The following IL31RA variants were observed in gnomAD, a reference collection of about 807,000 sequenced individuals.
The protein encoded by IL31RA is interleukin 31 receptor A.
In IL31RA, 66 loss-of-function variants were observed where a neutral mutation model predicts 83.7. The observed-to-expected ratio is 0.79, with a 90% CI of 0.65 to 0.97. The LOEUF is 0.97. IL31RA is among the 50% of genes least tolerant of loss of function. The pLI is 0.00. For synonymous variants in IL31RA, 325 were observed against 329.0 expected (o/e 0.99, Z 0.13); for missense variants, 798 against 919.4 (o/e 0.87, Z 1.71).
chr5:55,848,088 G>A (rs1744976749), upstream of IL31RA, among the ~76,000 whole-genome samples: 1 of 152,148 alleles, frequency 6.6e-6, no homozygotes, highest in South Asian at 2.1e-4. Flanking sequence ...ATTGGTTAAG[G>A]TAGTGTTTGC....
intron 4 of IL31RA, among the ~76,000 whole-genome samples, chr5:55,881,126 C>T (rs327238): frequency 0.017 from 2,523 of 152,018 alleles, 33 homozygotes; most frequent in Middle Eastern, 0.045. Context: ...CATGGTGAAA[C>T]CTTGTCTCTA....
intron 6 of IL31RA, among the ~76,000 whole-genome samples, chr5:55,890,354 T>G (rs529989087): frequency 6.6e-6 from 1 of 152,188 alleles, no homozygotes; most frequent in South Asian, 2.1e-4. Context: ...CATGAAAGGG[T>G]ATCATATCAT....
chr5:55,888,179 G>A (rs1321582324), intron 5 of IL31RA, among the ~76,000 whole-genome samples: 1 of 152,234 alleles, frequency 6.6e-6, no homozygotes, highest in Non-Finnish European at 1.5e-5. Flanking sequence ...CAGTGAACAT[G>A]ATGAAGCTAA....
Position 55,913,518 on chromosome 5 carries a change from G to T in IL31RA, c.1684G>T (p.Gly562Cys). 2 of 1,613,722 alleles carry T rather than the reference G, an allele frequency of 1.2e-6. No individual in the cohort carries two copies. The highest frequency in any genetic ancestry group is 1.7e-6 in the Non-Finnish European group (2 of 1,179,662). ...IILITSLIGG[G>C]LLILIILTVA... is the part of the protein sequence containing the mutation. ...CCTCATAACTTCTCTGATTGGTGGA[G>T]GCCTTCTTATTCTCATTATCCTGAC... is the stretch of plus-strand genomic sequence containing the variant. The change falls in exon 13 of 15, where the codon GGC (glycine) becomes TGC (cysteine). Residue 562 changes from glycine to cysteine, a missense_variant. Coordinates refer to ENST00000652347, the MANE Select transcript of IL31RA (RefSeq NM_139017.7).
intron 12 of IL31RA, 125 bp downstream of exon 12, chr5:55,910,797 T>C: frequency 9.3e-7 from 1 of 1,074,218 alleles, no homozygotes; most frequent in East Asian, 2.4e-5. Context: ...CCTGCCATCC[T>C]GCTCTCTGTT....
chr5:55,894,554 G>C (rs1218918004), intron 6 of IL31RA, among the ~76,000 whole-genome samples: 1 of 152,162 alleles, frequency 6.6e-6, no homozygotes, highest in Non-Finnish European at 1.5e-5. Flanking sequence ...GGGAGATCCT[G>C]GGCCTAACAG....
In IL31RA at chr5:55,919,490, C is replaced by T. The variant is rs984970968; in HGVS notation, c.*2370C>T. 6.6e-6 allele frequency among the ~76,000 whole-genome samples: 1 copy of T among 152,214 alleles called. No individual in the cohort carries two copies. ...ATTTGCAAATCCCCACCCAGCCCTT[C>T]CTGTTTCATTTCTTCTTTCCTTTCT... On this transcript the variant is annotated 3_prime_UTR_variant, in exon 15 of 15. Transcript: ENST00000652347.
rs1298397089 is a variant in IL31RA, at chr5:55,867,229, GTGTT to G, written c.155-1558_155-1555del. On this transcript the variant is annotated intron_variant, in intron 2 of 14. Transcript: ENST00000652347. ...TGTGTGCGCATGTGTGTTTGTGTGTGTGTTTGTGTGTGTGTTTGTGTGTGCGTGT... is the reference window on the plus strand; with the variant it reads ...TGTGTGCGCATGTGTGTTTGTGTGTGTGTGTGTGTGTTTGTGTGTGCGTGT... Among the ~76,000 whole-genome samples the G allele has an allele frequency of 8.3e-4, 101 of 121,978 alleles. 2 individuals carry two copies. The highest frequency in any genetic ancestry group is 3.4e-3 in the African/African-American group (81 of 23,816). The allele number at this position is 121,978 out of a possible 152,430, so 80.0% of individuals were successfully genotyped here.
chr5:55,865,371 T>C (rs1745989088), intron 2 of IL31RA, among the ~76,000 whole-genome samples: 1 of 152,134 alleles, frequency 6.6e-6, no homozygotes, highest in Non-Finnish European at 1.5e-5. Context: ...GCAGCTTCTC[T>C]GGAGAGAGCG....
Position 55,859,156 on chromosome 5 carries a change from T to G in IL31RA, c.64-353T>G, listed in dbSNP as rs190892470. On this transcript the variant is annotated intron_variant, in intron 1 of 14. Coordinates refer to ENST00000652347, the MANE Select transcript of IL31RA (RefSeq NM_139017.7). ...CGTGGTGCTTGGCAAAACTGTGAGT[T>G]GTTCCATTTGGCTGGAGGGCCTAGG... Among the ~76,000 whole-genome samples, 312 of 152,286 alleles carry G rather than the reference T, an allele frequency of 2.0e-3. 4 individuals carry two copies. The highest frequency in any genetic ancestry group is 6.3e-4 in the Non-Finnish European group (43 of 68,016).
intron 12 of IL31RA, among the ~76,000 whole-genome samples, chr5:55,912,529 G>T (rs1271011508): frequency 6.6e-6 from 1 of 152,208 alleles, no homozygotes; most frequent in Non-Finnish European, 1.5e-5. Flanking sequence ...GGACGCAGTG[G>T]CTCATGCCTG....
intron 5 of IL31RA, among the ~76,000 whole-genome samples, chr5:55,884,684 G>A (rs1747469675): frequency 6.6e-6 from 1 of 152,156 alleles, no homozygotes; most frequent in Non-Finnish European, 1.5e-5. Context: ...GCCTCCCAAA[G>A]TTCTGAGATT....
At chr5:55,889,269 C>T (rs1324754545) in intron 5 of IL31RA, among the ~76,000 whole-genome samples, 1 of 152,166 alleles carries the variant, frequency 6.6e-6, no homozygotes, top group East Asian at 1.9e-4. Context: ...TAAAGCAACA[C>T]CTTCACTTTA....
intron 2 of IL31RA, among the ~76,000 whole-genome samples, chr5:55,867,176 TG>T (rs1378848239): frequency 2.3e-4 from 18 of 78,412 alleles, no homozygotes; most frequent in South Asian, 6.1e-4. Flanking sequence ...TGCATGTGTG[TG>T]TGCATGTGTG....
In IL31RA at chr5:55,917,824, C is replaced by T. The variant is rs942591799; in HGVS notation, c.*704C>T. Among the ~76,000 whole-genome samples, 7 of 151,556 alleles carry T rather than the reference C, an allele frequency of 4.6e-5. No homozygotes were observed. The highest frequency in any genetic ancestry group is 1.4e-4 in the African/African-American group (6 of 41,398). ...TGTATGCTGCCGGGCGCAGCTCTGT[C>T]CAGTCTCCAGGGGGCCACTTCCCAG... On this transcript the variant is annotated 3_prime_UTR_variant, in exon 15 of 15. Coordinates refer to ENST00000652347, the MANE Select transcript of IL31RA (RefSeq NM_139017.7).
Position 55,910,517 on chromosome 5 carries a change from G to A in IL31RA, c.1502-15G>A, listed in dbSNP as rs1749435857. The A allele has an allele frequency of 6.2e-7, 1 of 1,613,910 alleles. No homozygotes were observed. ...GGTTTGGCTGTGGTGTTTGACCTTT[G>A]TATTTTTCCTTTAGCCAAGACAGTC... is the stretch of plus-strand genomic sequence containing the variant. On this transcript the variant is annotated splice_polypyrimidine_tract_variant and intron_variant, in intron 11 of 14. Coordinates refer to ENST00000652347, the MANE Select transcript of IL31RA (RefSeq NM_139017.7).
In IL31RA at chr5:55,908,433, T is replaced by C. The variant is rs763511994; in HGVS notation, c.1501+22T>C. The C allele has an allele frequency of 1.1e-5, 18 of 1,613,956 alleles. No homozygotes were observed. In the Admixed American group the frequency reaches 2.7e-4, roughly 24 times the overall value. On this transcript the variant is annotated intron_variant, in intron 11 of 14. Transcript: ENST00000652347. ...TTCTGTAAGCACGCCCATAGCGAAGTGGAAAAAAACCCCAAGCCCCAGATA... is the reference window on the plus strand; with the variant it reads ...TTCTGTAAGCACGCCCATAGCGAAGCGGAAAAAAACCCCAAGCCCCAGATA...
Position 55,920,793 on chromosome 5 carries a change from C to T in IL31RA, c.*3673C>T, listed in dbSNP as rs1195123936. 3.3e-5 allele frequency among the ~76,000 whole-genome samples: 5 copies of T among 152,318 alleles called. No individual in the cohort carries two copies. Among genetic ancestry groups the T allele is most frequent in the African/African-American group, 1.2e-4 (5 of 41,570 alleles). On this transcript the variant is annotated 3_prime_UTR_variant, in exon 15 of 15. Coordinates refer to ENST00000652347, the MANE Select transcript of IL31RA (RefSeq NM_139017.7). ...TGCACACACACTTACTGGTTCCCCA[C>T]CAGCCCTCCTAAATTCCTGTCCCCT...
chr5:55,882,444 G>A (rs1156758541), intron 4 of IL31RA, among the ~76,000 whole-genome samples: 1 of 151,964 alleles, frequency 6.6e-6, no homozygotes, highest in Non-Finnish European at 1.5e-5. Context: ...ACGGAAAACG[G>A]CTGAAAGGAA....
Sources: gnomAD v4.1 joint callset for allele counts (sites outside exome capture counted in the v4.1 genomes callset) on GRCh38, gnomAD v4.1.1 for gene constraint, MANE v1.5 for transcripts, NCBI Gene and HGNC (gene_info 2026-07-23, HGNC 2026-07-21) for gene names.